Variants in GNB4 observed in about 807,000 individuals in gnomAD.
The protein encoded by GNB4 is G protein subunit beta 4.
A neutral mutation model predicts 45.2 loss-of-function variants in GNB4; 28 were observed. The ratio of observed to expected loss-of-function variants is 0.62; its 90% confidence interval spans 0.46 to 0.85. The LOEUF is 0.85. Among genes scored for constraint, GNB4 ranks in the 40% least tolerant of loss-of-function variants. The probability of loss-of-function intolerance (pLI) is 0.00; values close to 1 mark genes in which losing one functional copy is unlikely to be tolerated. For synonymous variants in GNB4, 132 were observed against 143.7 expected, an observed-to-expected ratio of 0.92 and a Z score of 0.58; for missense variants, 321 against 425.4, an observed-to-expected ratio of 0.75 and a Z score of 2.16.
At chr3:179,491,085 T>C in the GNB4 span, among the ~76,000 whole-genome samples, 1 of 152,164 alleles carries the variant, frequency 6.6e-6, no homozygotes, top group African/African-American at 2.4e-5. Context: ...ATAAAAATTC[T>C]CTAAGAAGCA....
the GNB4 span, among the ~76,000 whole-genome samples, chr3:179,519,246 CA>C: frequency 1.3e-5 from 2 of 152,234 alleles, no homozygotes; most frequent in Admixed American, 6.5e-5. Flanking sequence ...CTGTTCAACT[CA>C]CCCGGTAGCC....
At chr3:179,452,521 A>T (rs1715911427), upstream of GNB4, 1 of 152,298 alleles carries the variant, frequency 6.6e-6, no homozygotes, top group East Asian at 1.9e-4. Context: ...ACAACCCCTC[A>T]GCCTTCCAAT....
At chr3:179,467,780 T>C in the GNB4 span, among the ~76,000 whole-genome samples, 4 of 152,186 alleles carry the variant, frequency 2.6e-5, no homozygotes, top group South Asian at 8.3e-4. Context: ...ATAGGTTTGC[T>C]TCATGAAACT....
intron 5 of GNB4, among the ~76,000 whole-genome samples, chr3:179,415,833 TTAGC>T (rs1040191793): frequency 9.8e-5 from 15 of 152,340 alleles, no homozygotes; most frequent in African/African-American, 3.1e-4. Context: ...CAAAATTGTC[TTAGC>T]TAGCTTTAAA....
Position 179,405,172 on chromosome 3 carries a change from G to A in GNB4, c.916+18C>T. The A allele has an allele frequency of 5.7e-6, 9 of 1,589,292 alleles. No homozygotes were observed. The highest frequency in any genetic ancestry group is 7.8e-6 in the Non-Finnish European group (9 of 1,160,298). On this transcript the variant is annotated intron_variant, in intron 9 of 9. Coordinates refer to ENST00000232564, the MANE Select transcript of GNB4 (RefSeq NM_021629.4). The stretch of plus-strand genomic sequence containing the variant: ...CGCTTCCTGAAAATCAGAACCTAAT[G>A]TGGACTTATTTACTAACCTGCACGA...
At chr3:179,402,036 C>G (rs1305748367) in intron 9 of GNB4, among the ~76,000 whole-genome samples, 1 of 152,172 alleles carries the variant, frequency 6.6e-6, no homozygotes, top group Non-Finnish European at 1.5e-5. Flanking sequence ...TTCTCTCTCT[C>G]TATTCTTAAG....
chr3:179,480,551 G>A, the GNB4 span, among the ~76,000 whole-genome samples: 18 of 149,440 alleles, frequency 1.2e-4, no homozygotes, highest in African/African-American at 1.8e-4. Context: ...GGATCCTCTC[G>A]GAGGATCCTG....
Position 179,425,130 on chromosome 3 carries a change from C to T in GNB4, c.57+1014G>A, listed in dbSNP as rs373046316. ...ACCCTGCTTACCGCCAGGCTTCCTA[C>T]AAGATGGCATGTCTATATCCTTTCA... is the stretch of plus-strand genomic sequence containing the variant. On this transcript the variant is annotated intron_variant, in intron 2 of 9. Transcript: ENST00000232564. 3.3e-5 allele frequency among the ~76,000 whole-genome samples: 5 copies of T among 152,336 alleles called. 2 individuals carry two copies. The highest frequency in any genetic ancestry group is 6.5e-5 in the Admixed American group (1 of 15,298).
At chr3:179,519,675 A>ACACCT in the GNB4 span, among the ~76,000 whole-genome samples, 1 of 152,138 alleles carries the variant, frequency 6.6e-6, no homozygotes, top group Non-Finnish European at 1.5e-5. Context: ...GGCTACAGCC[A>ACACCT]CACCTCGTTG....
the GNB4 span, among the ~76,000 whole-genome samples, chr3:179,477,196 G>T: frequency 6.6e-6 from 1 of 151,570 alleles, no homozygotes; most frequent in East Asian, 2.0e-4. Context: ...TTACTCTCCT[G>T]AACACACTTT....
intron 1 of GNB4, among the ~76,000 whole-genome samples, chr3:179,427,971 C>T (rs541465313): frequency 1.3e-5 from 2 of 152,232 alleles, no homozygotes; most frequent in South Asian, 4.1e-4. Context: ...AAGATTGTAG[C>T]CCGAAATGAC....
chr3:179,438,481 C>T (rs2108615518), intron 1 of GNB4, among the ~76,000 whole-genome samples: 1 of 152,248 alleles, frequency 6.6e-6, no homozygotes, highest in South Asian at 2.1e-4. Context: ...GTCAATTTGG[C>T]CCAGCAAGGG....
At chr3:179,409,320 G>C (rs1339414693) in intron 8 of GNB4, among the ~76,000 whole-genome samples, 1 of 151,194 alleles carries the variant, frequency 6.6e-6, no homozygotes, top group East Asian at 1.9e-4. Flanking sequence ...AGACCAGCCT[G>C]ACCACATGGA....
At chr3:179,462,919 C>T in the GNB4 span, among the ~76,000 whole-genome samples, 716 of 152,198 alleles carry the variant, frequency 4.7e-3, 7 homozygotes, top group African/African-American at 0.017. Context: ...AGATTCTTAC[C>T]ACCCAACCCA....
At chr3:179,485,303 C>T in the GNB4 span, among the ~76,000 whole-genome samples, 1 of 151,986 alleles carries the variant, frequency 6.6e-6, no homozygotes, top group Non-Finnish European at 1.5e-5. Flanking sequence ...TGAGCCACTG[C>T]GCCCGGCCCA....
chr3:179,511,125 C>T, the GNB4 span, among the ~76,000 whole-genome samples: 3 of 152,172 alleles, frequency 2.0e-5, no homozygotes, highest in Non-Finnish European at 2.9e-5. Flanking sequence ...CAGTGTTGGC[C>T]ACATCACCAT....
At chr3:179,485,154 C>A in the GNB4 span, among the ~76,000 whole-genome samples, 2 of 151,804 alleles carry the variant, frequency 1.3e-5, no homozygotes, top group South Asian at 4.1e-4. Flanking sequence ...GGGACTACAG[C>A]CACCTGCCAC....
chr3:179,527,330 AG>A, the GNB4 span, among the ~76,000 whole-genome samples: 1 of 152,206 alleles, frequency 6.6e-6, no homozygotes, highest in Non-Finnish European at 1.5e-5. Context: ...CAAAGTTGGG[AG>A]ATGCAGGCGT....
chr3:179,477,295 T>G, the GNB4 span, among the ~76,000 whole-genome samples: 1 of 152,230 alleles, frequency 6.6e-6, no homozygotes, highest in African/African-American at 2.4e-5. Context: ...TTTTAGTCTT[T>G]TCTTTCCTCT....
Sources: gnomAD v4.1 joint callset for allele counts (sites outside exome capture counted in the v4.1 genomes callset) on GRCh38, gnomAD v4.1.1 for gene constraint, MANE v1.5 for transcripts, NCBI Gene and HGNC (gene_info 2026-07-23, HGNC 2026-07-21) for gene names.